Variants in KRT32 observed in about 807,000 individuals in gnomAD.
KRT32 encodes the protein keratin, type I cuticular Ha2.
In KRT32, 44 loss-of-function variants were observed where a neutral mutation model predicts 41.8. That is an observed-to-expected ratio of 1.05 (90% CI 0.83 to 1.35). The LOEUF (loss-of-function observed/expected upper bound fraction) is 1.35, where lower values mean the gene tolerates loss of function less well. Ranked by LOEUF, KRT32 falls within the 40% of genes most tolerant of loss-of-function variation. The pLI is 0.00. For synonymous variants in KRT32, 238 were observed against 242.5 expected, an observed-to-expected ratio of 0.98 and a Z score of 0.17; for missense variants, 576 against 584.6, an observed-to-expected ratio of 0.99 and a Z score of 0.15.
In KRT32 at chr17:41,464,085, T is replaced by C. The variant is rs371168116; in HGVS notation, c.989A>G (p.His330Arg). The change falls in exon 5 of 7, where the codon CAC (histidine) becomes CGC (arginine). Residue 330 changes from histidine to arginine, a missense_variant. Physicochemically the swap from His to Arg is conservative, Grantham distance 29 (BLOSUM62 0). Coordinates refer to ENST00000225899, the MANE Select transcript of KRT32 (RefSeq NM_002278.3). ...CCACCCAGCAGCTCTCACCAGGCTGTGCTGGGCCTGCAGCTCGATCTCCAG... is the reference window on the plus strand; with the variant it reads ...CCACCCAGCAGCTCTCACCAGGCTGCGCTGGGCCTGCAGCTCGATCTCCAG... ...NTLEIELQAQHSLRDSLENTL... is the reference protein window; with the variant it reads ...NTLEIELQAQRSLRDSLENTL... The C allele has an allele frequency of 1.3e-6, 2 of 1,597,336 alleles. No individual in the cohort carries two copies. Among genetic ancestry groups the C allele is most frequent in the South Asian group, 1.1e-5 (1 of 87,950 alleles).
At chr17:41,462,746 C>T (rs2019015139) in intron 6 of KRT32, 84 bp downstream of exon 6, 1 of 1,431,244 alleles carries the variant, frequency 7.0e-7, no homozygotes, top group Non-Finnish European at 9.7e-7. Flanking sequence ...AGCTGATGGT[C>T]CCTCAAGGGT....
chr17:41,465,634 A>G, intron 3 of KRT32, 139 bp downstream of exon 3: 1 of 756,028 alleles, frequency 1.3e-6, no homozygotes, highest in Non-Finnish European at 2.1e-6. Flanking sequence ...AGGCTCAGGA[A>G]GATTCCATAA....
chr17:41,465,468 G>C (rs1014953517), intron 3 of KRT32, among the ~76,000 whole-genome samples: 2 of 152,102 alleles, frequency 1.3e-5, no homozygotes, highest in African/African-American at 4.8e-5. Flanking sequence ...CACTAGCCCA[G>C]GAAATGCAGA....
rs2857257 is a variant in KRT32, at chr17:41,462,967, G to A, written c.1080C>T (p.Asn360=). ...GGATCTCAGCCAGCTGGGCCTCAAC[G>A]TTGGTGATCATGCACTGCATCTGGG... ...QLAQMQCMIT[N]VEAQLAEIRA... Residue 360 remains asparagine (N), a synonymous_variant, in exon 6 of 7, where the codon AAC becomes AAT. Coordinates refer to ENST00000225899, the MANE Select transcript of KRT32 (RefSeq NM_002278.3). The A allele has an allele frequency of 0.64, 1,026,368 of 1,613,942 alleles. 327,585 individuals are homozygous for A. The highest frequency in any genetic ancestry group is 0.68 in the East Asian group (30,592 of 44,868).
At chr17:41,461,447 T>TG (rs1410094155) in intron 6 of KRT32, among the ~76,000 whole-genome samples, 1 of 152,222 alleles carries the variant, frequency 6.6e-6, no homozygotes, top group African/African-American at 2.4e-5. Context: ...AGAGAACCAA[T>TG]GGGAGGCCTG....
Position 41,463,068 on chromosome 17 carries a change from A to G in KRT32, c.997-18T>C, listed in dbSNP as rs1289922917. ...GAGTCCCTCTAAGGCAAAGGAAGACATAACCATGAGGAAGGGAGCTGTTTA... is the reference window on the plus strand; with the variant it reads ...GAGTCCCTCTAAGGCAAAGGAAGACGTAACCATGAGGAAGGGAGCTGTTTA... On this transcript the variant is annotated intron_variant, in intron 5 of 6. Coordinates refer to ENST00000225899, the MANE Select transcript of KRT32 (RefSeq NM_002278.3). The G allele has an allele frequency of 1.2e-6, 2 of 1,600,472 alleles. No individual in the cohort carries two copies. Among genetic ancestry groups the G allele is most frequent in the African/African-American group, 1.3e-5 (1 of 74,706 alleles).
In KRT32 at chr17:41,459,516, G is replaced by T. The variant is rs149152323; in HGVS notation, c.*594C>A. On this transcript the variant is annotated 3_prime_UTR_variant, in exon 7 of 7. Transcript: ENST00000225899. ...GATCACATTGTACCAGCTGTAATGA[G>T]ATTTAGGGGTGGGTTTATTATGATA... Among the ~76,000 whole-genome samples the T allele has an allele frequency of 1.0e-3, 155 of 152,324 alleles. No homozygotes were observed. The highest frequency in any genetic ancestry group is 3.7e-3 in the African/African-American group (153 of 41,572).
chr17:41,464,019 A>G, intron 5 of KRT32, 59 bp downstream of exon 5: 1 of 1,427,666 alleles, frequency 7.0e-7, no homozygotes, highest in Non-Finnish European at 9.2e-7. Flanking sequence ...GGGGACCTGC[A>G]CCTATGCTCA....
chr17:41,467,260 G>A lies in KRT32; in HGVS notation c.66C>T (p.Ala22=), dbSNP rs536551428. ...AGTTCACGCCGCTGGAACAGACCGA[G>A]GCAGGCCGGGGGCAGCTCTTGAGAG... is the stretch of plus-strand genomic sequence containing the variant. The part of the protein sequence containing the change: ...QASLKSCPRP[A]SVCSSGVNCR... Residue 22 remains alanine (A), a synonymous_variant, in exon 1 of 7, where the codon GCC becomes GCT. Coordinates refer to ENST00000225899, the MANE Select transcript of KRT32 (RefSeq NM_002278.3). 2.2e-4 allele frequency: 357 copies of A among 1,613,684 alleles called. 1 individual carries two copies. In the South Asian group the frequency reaches 3.4e-3, roughly 16 times the overall value.
rs1444561241 is a variant in KRT32, at chr17:41,464,377, C to G, written c.775G>C (p.Val259Leu). Residue 259 changes from valine (V) to leucine (L), a missense_variant, in exon 4 of 7, where the codon GTG (valine) becomes CTG (leucine). By Grantham distance (32) the Val-to-Leu change is conservative. Transcript: ENST00000225899. ...TCCTCCAGCACCCTGGTCAGGTCCA[C>G]CGGGGGTGCAGCGTCCACCTCGATG... ...LNIEVDAAPPVDLTRVLEEMR... is the reference protein window; with the variant it reads ...LNIEVDAAPPLDLTRVLEEMR... 22 of 1,611,124 alleles carry G rather than the reference C, an allele frequency of 1.4e-5. No homozygotes were observed. The highest frequency in any genetic ancestry group is 1.9e-5 in the Non-Finnish European group (22 of 1,178,542).
rs145537708 is a variant in KRT32 at position 41,459,785 on chromosome 17, G to A, written c.*325C>T. On this transcript the variant is annotated 3_prime_UTR_variant, in exon 7 of 7. Transcript: ENST00000225899. ...AGGATTGGCTTGTGGATGCAGCAGC[G>A]TAAGTGACAAACAGAGACAGACATG... 52 of 187,736 alleles carry A rather than the reference G, an allele frequency of 2.8e-4. No homozygotes were observed. The highest frequency in any genetic ancestry group is 2.2e-3 in the Middle Eastern group (1 of 448). 11.6% of individuals were successfully genotyped at this position (187,736 alleles called of 1,614,324 possible).
In KRT32 at chr17:41,462,862, C is replaced by G. The variant is rs138037859; in HGVS notation, c.1185G>C (p.Thr395=). The part of the protein sequence containing the change: ...VRARLEGEIN[T]YRSLLENEDC... ...CCTCGTTCTCCAGCAGGCTCCGGTA[C>G]GTGTTGATCTCGCCCTCCAGCCGGG... Residue 395 remains threonine (T), a synonymous_variant, in exon 6 of 7, where the codon ACG becomes ACC. Transcript: ENST00000225899. 9,710 of 1,613,644 alleles carry G rather than the reference C, an allele frequency of 6.0e-3. 46 individuals carry two copies. The highest frequency in any genetic ancestry group is 6.9e-3 in the Non-Finnish European group (8,084 of 1,179,930).
At position 41,467,337 on chromosome 17, in the gene KRT32, C is replaced by A. The variant is rs770801710; in HGVS notation, c.-12G>T. 1.3e-6 allele frequency: 2 copies of A among 1,582,250 alleles called. No individual in the cohort carries two copies. Among genetic ancestry groups the A allele is most frequent in the Non-Finnish European group, 1.7e-6 (2 of 1,160,426 alleles). On this transcript the variant is annotated 5_prime_UTR_variant, in exon 1 of 7. Coordinates refer to ENST00000225899, the MANE Select transcript of KRT32 (RefSeq NM_002278.3). ...CAGGAGGATGTCATGTTGGAGAGGC[C>A]CTTTCTCCTCAGCCACAGCTACCTG...
chr17:41,462,187 G>A (rs976976192), intron 6 of KRT32, among the ~76,000 whole-genome samples: 1 of 151,870 alleles, frequency 6.6e-6, no homozygotes, highest in Admixed American at 6.6e-5. Context: ...AAGACACACA[G>A]TAAATTCTCT....
At position 41,466,177 on chromosome 17, in the gene KRT32, C is replaced by G; in HGVS notation, c.469-1G>C. The G allele has an allele frequency of 6.2e-7, 1 of 1,613,568 alleles. No homozygotes were observed. Among genetic ancestry groups the G allele is most frequent in the Non-Finnish European group, 8.5e-7 (1 of 1,179,798 alleles). On this transcript the variant is annotated splice_acceptor_variant, in intron 1 of 6. Coordinates refer to ENST00000225899, the MANE Select transcript of KRT32 (RefSeq NM_002278.3). LOFTEE classifies it high-confidence loss of function. ...CATTCTCTGCCTTGGTACACAGAAT[C>G]TGTAGGCCAAGGCACATGGAGAGGG...
In KRT32 at chr17:41,464,088, T is replaced by A; in HGVS notation, c.986A>T (p.Gln329Leu). Residue 329 changes from glutamine (Q) to leucine (L), a missense_variant, in exon 5 of 7, where the codon CAG becomes CTG. Coordinates refer to ENST00000225899, the MANE Select transcript of KRT32 (RefSeq NM_002278.3). ...VNTLEIELQA[Q>L]HSLRDSLENT... ...CCCAGCAGCTCTCACCAGGCTGTGC[T>A]GGGCCTGCAGCTCGATCTCCAGCGT... 1 of 1,599,718 alleles carries A rather than the reference T, an allele frequency of 6.3e-7. No homozygotes were observed.
At chr17:41,462,157 A>G (rs999198508) in intron 6 of KRT32, among the ~76,000 whole-genome samples, 4 of 152,110 alleles carry the variant, frequency 2.6e-5, no homozygotes, top group Non-Finnish European at 5.9e-5. Context: ...TGCATTCTAG[A>G]TGTTTACCAT....
Position 41,462,859 on chromosome 17 carries a change from G to A in KRT32, c.1188C>T (p.Tyr396=). ...RARLEGEINT[Y]RSLLENEDCK... ...AGTCCTCGTTCTCCAGCAGGCTCCG[G>A]TACGTGTTGATCTCGCCCTCCAGCC... Residue 396 remains tyrosine, a synonymous_variant, in exon 6 of 7, where the codon TAC becomes TAT. Coordinates refer to ENST00000225899, the MANE Select transcript of KRT32 (RefSeq NM_002278.3). The A allele has an allele frequency of 6.2e-7, 1 of 1,613,594 alleles. No individual in the cohort carries two copies. The highest frequency in any genetic ancestry group is 8.5e-7 in the Non-Finnish European group (1 of 1,179,928).
rs111388261 is a variant in KRT32 at position 41,464,336 on chromosome 17, G to A, written c.816C>T (p.Tyr272=). The A allele has an allele frequency of 1.4e-4, 227 of 1,612,044 alleles. No homozygotes were observed. Among genetic ancestry groups the A allele is most frequent in the Admixed American group, 3.0e-4 (18 of 59,862 alleles). Residue 272 remains tyrosine (Y), a synonymous_variant, in exon 4 of 7, where the codon TAC becomes TAT. Coordinates refer to ENST00000225899, the MANE Select transcript of KRT32 (RefSeq NM_002278.3). ...TGCGGTTGGCCTCCACCATGGCCTC[G>A]TACTGACACCGCATCTCCTCCAGCA... ...TRVLEEMRCQ[Y]EAMVEANRRD...
Sources: gnomAD v4.1 joint callset for allele counts (sites outside exome capture counted in the v4.1 genomes callset) on GRCh38, gnomAD v4.1.1 for gene constraint, MANE v1.5 for transcripts, NCBI Gene and HGNC (gene_info 2026-07-23, HGNC 2026-07-21) for gene names.